The following RB1CC1 variants were observed in gnomAD, a reference collection of about 807,000 sequenced individuals.
RB1CC1 encodes RB1-inducible coiled-coil protein 1.
Under a neutral mutation model 177.5 loss-of-function variants are expected in RB1CC1, and 46 were observed. The observed-to-expected ratio is 0.26, with a 90% CI of 0.20 to 0.33. RB1CC1 has a LOEUF of 0.33. Ranked by LOEUF, RB1CC1 falls within the 10% of genes least tolerant of loss-of-function variation. RB1CC1 has a pLI of 1.00. For missense variants in RB1CC1, 1,703 were observed against 1,816.3 expected, an observed-to-expected ratio of 0.94 and a Z score of 1.13; for synonymous variants, 666 against 613.6, an observed-to-expected ratio of 1.09 and a Z score of -1.26.
chr8:52,677,393 G>T (rs893138439), intron 5 of RB1CC1, among the ~76,000 whole-genome samples: 2 of 152,242 alleles, frequency 1.3e-5, no homozygotes, highest in South Asian at 4.1e-4. Flanking sequence ...AAGCACTATT[G>T]GTTAAGAACA....
intron 8 of RB1CC1, among the ~76,000 whole-genome samples, chr8:52,665,281 T>C (rs1318997825): frequency 6.6e-6 from 1 of 152,212 alleles, no homozygotes; most frequent in Non-Finnish European, 1.5e-5. Flanking sequence ...AAAGAAAATG[T>C]GGCGAATGAC....
intron 1 of RB1CC1, among the ~76,000 whole-genome samples, chr8:52,702,973 T>C (rs188941655): frequency 1.3e-5 from 2 of 152,286 alleles, no homozygotes; most frequent in Non-Finnish European, 2.9e-5. Flanking sequence ...TAAGCAAATG[T>C]ACTCTTGGGG....
intron 15 of RB1CC1, among the ~76,000 whole-genome samples, chr8:52,650,627 CA>C (rs375489930): frequency 0.03 from 4,491 of 151,594 alleles, 251 homozygotes; most frequent in African/African-American, 0.1. Context: ...AATCCTGATA[CA>C]AAAAAATGAC....
At chr8:52,653,492 A>C (rs1206198997) in intron 15 of RB1CC1, among the ~76,000 whole-genome samples, 1 of 152,190 alleles carries the variant, frequency 6.6e-6, no homozygotes, top group Non-Finnish European at 1.5e-5. Flanking sequence ...AAAACAAGAC[A>C]AAACAGAAAA....
intron 22 of RB1CC1, among the ~76,000 whole-genome samples, chr8:52,626,903 G>C (rs1848434703): frequency 6.6e-6 from 1 of 152,056 alleles, no homozygotes; most frequent in Non-Finnish European, 1.5e-5. Flanking sequence ...ACAAAAAATG[G>C]GCATAGTGGT....
At position 52,623,328 on chromosome 8, in the gene RB1CC1, C is replaced by T. The variant is rs34711632; in HGVS notation, c.*454G>A. 4,832 of 207,678 alleles carry T rather than the reference C, an allele frequency of 0.023. 292 individuals carry two copies. Among genetic ancestry groups the T allele is most frequent in the African/African-American group, 0.11 (4,532 of 41,968 alleles). The allele number at this position is 207,678 out of a possible 1,614,324, so 12.9% of individuals were successfully genotyped here. A position where few individuals can be genotyped will look rare whatever the true frequency, so the allele number is the denominator to read the frequency against. On this transcript the variant is annotated 3_prime_UTR_variant, in exon 24 of 24. Coordinates refer to ENST00000025008, the MANE Select transcript of RB1CC1 (RefSeq NM_014781.5). ...ACACTCCTCTTTATTTTAAATAGTT[C>T]TGAATAATTTATACATTTTATAAAG...
intron 22 of RB1CC1, among the ~76,000 whole-genome samples, chr8:52,625,970 A>G (rs1848361252): frequency 6.6e-6 from 1 of 152,238 alleles, no homozygotes; most frequent in Non-Finnish European, 1.5e-5. Flanking sequence ...AATAATCAGA[A>G]ATGAACCTGA....
chr8:52,691,980 T>C (rs1007433867), intron 1 of RB1CC1, among the ~76,000 whole-genome samples: 4 of 152,280 alleles, frequency 2.6e-5, no homozygotes, highest in Non-Finnish European at 5.9e-5. Flanking sequence ...TAAGTAGCTT[T>C]ACATGCATGA....
At chr8:52,659,877 G>C (rs1851460707) in intron 12 of RB1CC1, among the ~76,000 whole-genome samples, 1 of 152,158 alleles carries the variant, frequency 6.6e-6, no homozygotes, top group Non-Finnish European at 1.5e-5. Flanking sequence ...GGCACCTCTA[G>C]TCCCAGCTAC....
At chr8:52,659,600 C>T (rs1851423579) in intron 12 of RB1CC1, among the ~76,000 whole-genome samples, 1 of 151,996 alleles carries the variant, frequency 6.6e-6, no homozygotes, top group Non-Finnish European at 1.5e-5. Flanking sequence ...AAAAAGAGTT[C>T]TCGGATAAAT....
chr8:52,630,584 T>C, intron 20 of RB1CC1, 56 bp from the exon 21 acceptor site: 1 of 1,504,998 alleles, frequency 6.6e-7, no homozygotes, highest in Non-Finnish European at 8.8e-7. Context: ...ACATGCATTC[T>C]TACTGCAAAA....
At chr8:52,697,768 T>C (rs1357485966) in intron 1 of RB1CC1, among the ~76,000 whole-genome samples, 1 of 152,216 alleles carries the variant, frequency 6.6e-6, no homozygotes, top group African/African-American at 2.4e-5. Flanking sequence ...CACTAGAAAA[T>C]GTATTATTTT....
intron 1 of RB1CC1, among the ~76,000 whole-genome samples, chr8:52,708,325 G>C (rs1174771135): frequency 1.3e-5 from 2 of 151,988 alleles, no homozygotes; most frequent in African/African-American, 4.8e-5. Context: ...GACCATCCTG[G>C]CTAACACAGT....
Position 52,714,223 on chromosome 8 carries a change from GC to G in RB1CC1, c.-316del. ...ACAACCGCCGGCGTCCCGGGCGCCC[GC>G]CCGCCGCGGCCCCGAACTCTAGGAG... On this transcript the variant is annotated 5_prime_UTR_variant, in exon 1 of 24. Transcript: ENST00000025008. 1 of 225,466 alleles carries G rather than the reference GC, an allele frequency of 4.4e-6. No homozygotes were observed. The highest frequency in any genetic ancestry group is 9.3e-6 in the Non-Finnish European group (1 of 108,036). 14.0% of individuals were successfully genotyped at this position (225,466 alleles called of 1,614,324 possible). A position where few individuals can be genotyped will look rare whatever the true frequency, so the allele number is the denominator to read the frequency against.
intron 7 of RB1CC1, among the ~76,000 whole-genome samples, chr8:52,671,151 G>A (rs1333472567): frequency 6.6e-6 from 1 of 152,170 alleles, no homozygotes; most frequent in Non-Finnish European, 1.5e-5. Context: ...ATGGATGACA[G>A]ATAGTAAATG....
rs576475603 is a variant in RB1CC1, at chr8:52,640,549, T to C, written c.4337+1802A>G. 3.3e-5 allele frequency among the ~76,000 whole-genome samples: 5 copies of C among 152,350 alleles called. No individual in the cohort carries two copies. In the East Asian group the frequency reaches 9.7e-4, roughly 29 times the overall value. ...TAAAGCCTTTTGCTTTGAATTGCTT[T>C]TATATTTTTCCCTTCTATATCTTTC... On this transcript the variant is annotated intron_variant, in intron 18 of 23. Coordinates refer to ENST00000025008, the MANE Select transcript of RB1CC1 (RefSeq NM_014781.5).
chr8:52,675,125 C>A (rs1852978120), intron 6 of RB1CC1, among the ~76,000 whole-genome samples: 1 of 151,922 alleles, frequency 6.6e-6, no homozygotes, highest in African/African-American at 2.4e-5. Context: ...CTAACAGAAC[C>A]CTTAGAAAGT....
In RB1CC1 at chr8:52,683,567, T is replaced by C; in HGVS notation, c.351A>G (p.Ser117=). ...MMPAVFHTVA[S]RTQLALEMYE... The stretch of plus-strand genomic sequence containing the variant: ...ATCTTACCAATGCAAGCTGTGTCCT[T>C]GAAGCAACAGTATGAAAAACTGCAG... Residue 117 remains serine, a synonymous_variant, in exon 5 of 24, where the codon TCA becomes TCG. Coordinates refer to ENST00000025008, the MANE Select transcript of RB1CC1 (RefSeq NM_014781.5). The C allele has an allele frequency of 6.3e-7, 1 of 1,589,966 alleles. No individual in the cohort carries two copies. Among genetic ancestry groups the C allele is most frequent in the Non-Finnish European group, 8.5e-7 (1 of 1,171,440 alleles).
At chr8:52,698,053 C>T (rs187621886) in intron 1 of RB1CC1, among the ~76,000 whole-genome samples, 1,823 of 152,124 alleles carry the variant, frequency 0.012, 35 homozygotes, top group South Asian at 0.061. Context: ...TAAAATGTTA[C>T]GGATAAAAAT....
Sources: gnomAD v4.1 joint callset for allele counts (sites outside exome capture counted in the v4.1 genomes callset) on GRCh38, gnomAD v4.1.1 for gene constraint, MANE v1.5 for transcripts, NCBI Gene and HGNC (gene_info 2026-07-23, HGNC 2026-07-21) for gene names.